The following TBC1D19 variants were observed in gnomAD, a reference collection of about 807,000 sequenced individuals.
TBC1D19 encodes the protein TBC1 domain family, member 19.
TBC1D19 carries 60 observed loss-of-function variants against 89.0 expected under a neutral mutation model. The ratio of observed to expected loss-of-function variants is 0.67; its 90% CI spans 0.55 to 0.84. The LOEUF is 0.84. Ranked by LOEUF, TBC1D19 falls within the 40% of genes least tolerant of loss-of-function variation. The pLI is 0.00. For missense variants in TBC1D19, 500 were observed against 610.8 expected (o/e 0.82, Z 1.91); for synonymous variants, 189 against 199.7 (o/e 0.95, Z 0.45).
chr4:26,710,862 G>A (rs372883117), intron 13 of TBC1D19, among the ~76,000 whole-genome samples: 264 of 151,988 alleles, frequency 1.7e-3, no homozygotes, highest in African/African-American at 6.2e-3. Context: ...CTTCGCCCAC[G>A]TTTTGATGGG....
At chr4:26,754,344 A>G (rs2109338748) in intron 20 of TBC1D19, 1 of 159,148 alleles carries the variant, frequency 6.3e-6, no homozygotes, top group South Asian at 1.8e-4. Flanking sequence ...TTTCAGTGGT[A>G]TAATTTATAC....
chr4:26,771,306 A>G, the TBC1D19 span, among the ~76,000 whole-genome samples: 1 of 152,288 alleles, frequency 6.6e-6, no homozygotes, highest in Non-Finnish European at 1.5e-5. Flanking sequence ...TTAAAATAGA[A>G]CTACCATACA....
the TBC1D19 span, among the ~76,000 whole-genome samples, chr4:26,845,999 A>T: frequency 1.3e-5 from 2 of 152,220 alleles, no homozygotes; most frequent in African/African-American, 4.8e-5. Flanking sequence ...AAGTGGAATC[A>T]TATAATATTT....
At chr4:26,679,056 G>A (rs1713098733) in intron 11 of TBC1D19, among the ~76,000 whole-genome samples, 2 of 152,182 alleles carry the variant, frequency 1.3e-5, no homozygotes, top group Admixed American at 1.3e-4. Flanking sequence ...TGGTAGAAAA[G>A]AAACACCCAT....
intron 1 of TBC1D19, among the ~76,000 whole-genome samples, chr4:26,594,284 G>A (rs979917509): frequency 2.0e-4 from 31 of 152,084 alleles, no homozygotes; most frequent in African/African-American, 7.0e-4. Flanking sequence ...GGTGGGAATT[G>A]AACAATGAGA....
chr4:26,698,556 A>T (rs998803066), intron 13 of TBC1D19, among the ~76,000 whole-genome samples: 12 of 152,172 alleles, frequency 7.9e-5, no homozygotes, highest in African/African-American at 2.9e-4. Flanking sequence ...CATCGCCAAG[A>T]CAATACTAAG....
At chr4:26,711,908 C>T (rs1046285657) in intron 13 of TBC1D19, among the ~76,000 whole-genome samples, 2 of 151,982 alleles carry the variant, frequency 1.3e-5, no homozygotes, top group Non-Finnish European at 2.9e-5. Flanking sequence ...CACACCAGTA[C>T]GTACTGTCTA....
At chr4:26,852,918 C>A in the TBC1D19 span, among the ~76,000 whole-genome samples, 50 of 152,322 alleles carry the variant, frequency 3.3e-4, no homozygotes, top group African/African-American at 1.1e-3. Flanking sequence ...TGCACCCGGC[C>A]GGATTCTACC....
chr4:26,847,854 T>A, the TBC1D19 span, among the ~76,000 whole-genome samples: 1 of 152,134 alleles, frequency 6.6e-6, no homozygotes, highest in Admixed American at 6.5e-5. Context: ...GTCAACAGGA[T>A]TTGGTAAACG....
the TBC1D19 span, among the ~76,000 whole-genome samples, chr4:26,770,864 C>A: frequency 4.0e-5 from 6 of 151,850 alleles, no homozygotes; most frequent in Non-Finnish European, 8.8e-5. Flanking sequence ...GCTAAATAAC[C>A]CATAGGTCAA....
At chr4:26,638,747 C>A (rs772251849) in intron 5 of TBC1D19, 24 bp from the exon 6 acceptor site, 2 of 1,578,904 alleles carry the variant, frequency 1.3e-6, no homozygotes, top group South Asian at 1.2e-5. Context: ...GAAATGAAAC[C>A]AGTTTCAAAA....
chr4:26,616,076 G>A (rs1741676659), intron 3 of TBC1D19, among the ~76,000 whole-genome samples: 1 of 151,940 alleles, frequency 6.6e-6, no homozygotes, highest in Non-Finnish European at 1.5e-5. Context: ...AAGCAGTCCA[G>A]TGATATTATT....
chr4:26,841,304 T>C, the TBC1D19 span, among the ~76,000 whole-genome samples: 2 of 151,572 alleles, frequency 1.3e-5, no homozygotes, highest in East Asian at 3.9e-4. Context: ...GAGAATTGCT[T>C]GAACCTGGGA....
In TBC1D19 at chr4:26,624,348, A is replaced by G. The variant is rs555750372; in HGVS notation, c.294+3660A>G. On this transcript the variant is annotated intron_variant, in intron 4 of 20. Coordinates refer to ENST00000264866, the MANE Select transcript of TBC1D19 (RefSeq NM_018317.4). Reference sequence around the variant, plus strand: ...CTGTTGTTTTATGGCCCTTAGCACAAATTGCAATTTATTATAGTAATTGCT... The same window carrying G: ...CTGTTGTTTTATGGCCCTTAGCACAGATTGCAATTTATTATAGTAATTGCT... Among the ~76,000 whole-genome samples the G allele has an allele frequency of 6.0e-4, 91 of 151,614 alleles. 1 individual carries two copies. Among genetic ancestry groups the G allele is most frequent in the Non-Finnish European group, 1.2e-3 (83 of 67,852 alleles).
chr4:26,835,066 G>A, the TBC1D19 span, among the ~76,000 whole-genome samples: 2 of 152,206 alleles, frequency 1.3e-5, no homozygotes, highest in African/African-American at 4.8e-5. Context: ...GTTGTCTTAT[G>A]TGGCAAAAGG....
chr4:26,856,296 T>G, the TBC1D19 span, among the ~76,000 whole-genome samples: 2 of 152,254 alleles, frequency 1.3e-5, no homozygotes, highest in Admixed American at 1.3e-4. Flanking sequence ...TTGCAGTGAA[T>G]GAAGAATTTC....
chr4:26,809,593 A>G, the TBC1D19 span, among the ~76,000 whole-genome samples: 258 of 152,268 alleles, frequency 1.7e-3, 1 homozygote, highest in African/African-American at 6.0e-3. Flanking sequence ...AGGGAAGTGG[A>G]TCAGAAAAGG....
At chr4:26,753,752 A>G in intron 19 of TBC1D19, 68 bp from the exon 20 acceptor site, 3 of 1,565,066 alleles carry the variant, frequency 1.9e-6, no homozygotes, top group Non-Finnish European at 2.6e-6. Context: ...TTTTGGGCAT[A>G]GCATAGCAGT....
chr4:26,606,132 G>A (rs896105746), intron 1 of TBC1D19, among the ~76,000 whole-genome samples: 1 of 152,086 alleles, frequency 6.6e-6, no homozygotes, highest in African/African-American at 2.4e-5. Flanking sequence ...CACAGGTATG[G>A]TATATGCCAC....
Sources: allele counts gnomAD v4.1 joint callset (sites outside exome capture counted in the v4.1 genomes callset), GRCh38; gene constraint gnomAD v4.1.1; transcripts MANE v1.5; gene names NCBI Gene and HGNC (gene_info 2026-07-23, HGNC 2026-07-21).